NELL1: variants seen among roughly 807,000 people sequenced by gnomAD.
NELL1 encodes neural EGFL like 1.
In NELL1, 76 loss-of-function variants were observed where a neutral mutation model predicts 107.4. That is an observed-to-expected ratio of 0.71 (90% CI 0.59 to 0.86). NELL1 has a LOEUF of 0.86. Ranked by LOEUF, NELL1 falls within the 40% of genes least tolerant of loss-of-function variation. NELL1 has a pLI of 0.00. For synonymous variants in NELL1, 353 were observed against 341.2 expected (o/e 1.03, Z -0.38); for missense variants, 1,024 against 1,005.5 (o/e 1.02, Z -0.25).
At chr11:20,811,975 C>T (rs1466989994) in intron 3 of NELL1, among the ~76,000 whole-genome samples, 1 of 152,030 alleles carries the variant, frequency 6.6e-6, no homozygotes, top group African/African-American at 2.4e-5. Flanking sequence ...GTAATATGTT[C>T]AACAAAAGTG....
intron 2 of NELL1, among the ~76,000 whole-genome samples, chr11:20,725,654 A>T (rs1256862249): frequency 6.6e-6 from 1 of 152,212 alleles, no homozygotes; most frequent in Non-Finnish European, 1.5e-5. Flanking sequence ...ATTTAGAGTT[A>T]TACAGCTTGT....
intron 14 of NELL1, among the ~76,000 whole-genome samples, chr11:21,255,064 G>T (rs1470166580): frequency 1.8e-4 from 28 of 152,078 alleles, no homozygotes; most frequent in Admixed American, 1.8e-3. Context: ...TAACAACAAA[G>T]AGACTAGGTG....
chr11:21,116,914 CT>C (rs1211427849), intron 13 of NELL1, among the ~76,000 whole-genome samples: 4 of 152,076 alleles, frequency 2.6e-5, no homozygotes, highest in African/African-American at 9.6e-5. Context: ...AAACTTTGAT[CT>C]AGTGTCTCAT....
chr11:21,228,320 G>A (rs1297673875), intron 13 of NELL1, among the ~76,000 whole-genome samples: 1 of 152,168 alleles, frequency 6.6e-6, no homozygotes, highest in Middle Eastern at 3.4e-3. Flanking sequence ...GGGTTAGATC[G>A]GTTTCCCTCC....
intron 12 of NELL1, among the ~76,000 whole-genome samples, chr11:21,103,549 C>A (rs1295281542): frequency 6.6e-5 from 10 of 152,086 alleles, no homozygotes; most frequent in Admixed American, 6.5e-4. Flanking sequence ...TTGATACATG[C>A]AAAATGCTTA....
At chr11:20,971,333 A>G (rs531138827) in intron 12 of NELL1, among the ~76,000 whole-genome samples, 3 of 152,280 alleles carry the variant, frequency 2.0e-5, no homozygotes, top group Admixed American at 2.0e-4. Flanking sequence ...ATTTTTATGT[A>G]GCAAAAAGAA....
At chr11:21,181,858 C>A (rs1310674234) in intron 13 of NELL1, among the ~76,000 whole-genome samples, 1 of 151,782 alleles carries the variant, frequency 6.6e-6, no homozygotes, top group East Asian at 1.9e-4. Flanking sequence ...AGAAGACATG[C>A]TGGCTTCTGA....
At chr11:20,926,893 G>A (rs1850508271) in intron 7 of NELL1, 1 of 154,208 alleles carries the variant, frequency 6.5e-6, no homozygotes, top group Non-Finnish European at 1.4e-5. Flanking sequence ...TAGTTAGTGT[G>A]TGAAGAACAT....
chr11:20,757,490 A>G (rs923804782), intron 2 of NELL1, among the ~76,000 whole-genome samples: 3 of 152,174 alleles, frequency 2.0e-5, no homozygotes, highest in African/African-American at 7.2e-5. Flanking sequence ...TTTGGTGCTT[A>G]TATATCCCAA....
chr11:21,084,886 C>T (rs1241378330), intron 12 of NELL1, among the ~76,000 whole-genome samples: 5 of 152,140 alleles, frequency 3.3e-5, no homozygotes, highest in Non-Finnish European at 7.4e-5. Flanking sequence ...AGCGCACATC[C>T]TCCAGAATTA....
chr11:21,471,180 A>C (rs1157159665), intron 15 of NELL1, among the ~76,000 whole-genome samples: 1 of 152,016 alleles, frequency 6.6e-6, no homozygotes, highest in Non-Finnish European at 1.5e-5. Flanking sequence ...GGTCCCATAC[A>C]TGAATCATAT....
Position 21,377,992 on chromosome 11 carries a change from C to T in NELL1, c.1645+7044C>T, listed in dbSNP as rs567632972. 2.4e-3 allele frequency among the ~76,000 whole-genome samples: 363 copies of T among 152,000 alleles called. 1 individual carries two copies. Among genetic ancestry groups the T allele is most frequent in the Middle Eastern group, 0.02 (6 of 294 alleles). ...GCATTGTAGGATGTTTAACATCATC[C>T]CTGGACTTTATCCATGAAATGTAAT... On this transcript the variant is annotated intron_variant, in intron 15 of 19. Coordinates refer to ENST00000357134, the MANE Select transcript of NELL1 (RefSeq NM_006157.5).
intron 3 of NELL1, among the ~76,000 whole-genome samples, chr11:20,839,606 A>G (rs1749304793): frequency 1.3e-5 from 2 of 152,180 alleles, no homozygotes; most frequent in South Asian, 4.1e-4. Flanking sequence ...TTTTATTCTC[A>G]AAAGAAATCT....
chr11:21,311,471 G>A (rs1849747648), intron 14 of NELL1, among the ~76,000 whole-genome samples: 1 of 151,954 alleles, frequency 6.6e-6, no homozygotes, highest in Non-Finnish European at 1.5e-5. Flanking sequence ...TTTTATATTT[G>A]CATAAAATCA....
chr11:21,532,668 C>T (rs949131273), intron 15 of NELL1, among the ~76,000 whole-genome samples: 13 of 152,118 alleles, frequency 8.5e-5, no homozygotes, highest in Non-Finnish European at 2.9e-5. Flanking sequence ...TTTCTGAGAG[C>T]TTTGGAAATA....
chr11:20,812,958 G>A (rs570896658), intron 3 of NELL1, among the ~76,000 whole-genome samples: 9 of 131,576 alleles, frequency 6.8e-5, no homozygotes, highest in South Asian at 5.2e-4. Context: ...GCAGTGAGCC[G>A]GGATTGAGCC....
chr11:21,041,240 A>C (rs185997547), intron 12 of NELL1, among the ~76,000 whole-genome samples: 1 of 152,290 alleles, frequency 6.6e-6, no homozygotes, highest in Admixed American at 6.5e-5. Flanking sequence ...CCACTGCTTT[A>C]AAACTAATCT....
chr11:20,849,207 C>T (rs1307771297), intron 4 of NELL1, among the ~76,000 whole-genome samples: 1 of 152,194 alleles, frequency 6.6e-6, no homozygotes, highest in Non-Finnish European at 1.5e-5. Context: ...AGCCACAGGA[C>T]AGAAAGAGGC....
At chr11:21,098,584 A>T (rs981382972) in intron 12 of NELL1, among the ~76,000 whole-genome samples, 15 of 152,168 alleles carry the variant, frequency 9.9e-5, no homozygotes, top group Non-Finnish European at 1.9e-4. Flanking sequence ...AGTATTTGGA[A>T]AGACCAGTGG....
Sources: gnomAD v4.1 joint callset for allele counts (sites outside exome capture counted in the v4.1 genomes callset) on GRCh38, gnomAD v4.1.1 for gene constraint, MANE v1.5 for transcripts, NCBI Gene and HGNC (gene_info 2026-07-23, HGNC 2026-07-21) for gene names.